SLC9A5: variants seen among roughly 807,000 people sequenced by gnomAD.
SLC9A5 encodes the protein solute carrier family 9 member A5.
In SLC9A5, 52 loss-of-function variants were observed where a neutral mutation model predicts 91.7. The observed-to-expected ratio is 0.57, with a 90% CI of 0.45 to 0.71. SLC9A5 has a LOEUF of 0.71. Among genes scored for constraint, SLC9A5 ranks in the 30% least tolerant of loss-of-function variants. The probability of loss-of-function intolerance (pLI) is 0.00; values close to 1 mark genes in which losing one functional copy is unlikely to be tolerated. For synonymous variants in SLC9A5, 419 were observed against 474.5 expected, an observed-to-expected ratio of 0.88 and a Z score of 1.52; for missense variants, 871 against 1,158.9, an observed-to-expected ratio of 0.75 and a Z score of 3.61.
intron 11 of SLC9A5, 46 bp downstream of exon 11, chr16:67,259,707 T>G: frequency 6.3e-7 from 1 of 1,597,958 alleles, no homozygotes; most frequent in Non-Finnish European, 8.6e-7. Flanking sequence ...CTCTCCATTG[T>G]GCCCTCTCTC....
chr16:67,250,537 G>T (rs558700838), intron 1 of SLC9A5, among the ~76,000 whole-genome samples: 1 of 152,272 alleles, frequency 6.6e-6, no homozygotes, highest in Admixed American at 6.5e-5. Flanking sequence ...AAAAACTGTA[G>T]TTTTCCCCAT....
chr16:67,259,860 A>AT lies in SLC9A5; in HGVS notation c.1758dup (p.Asp587Ter). 6.2e-7 allele frequency: 1 copy of AT among 1,614,066 alleles called. No individual in the cohort carries two copies. Among genetic ancestry groups the AT allele is most frequent in the Non-Finnish European group, 8.5e-7 (1 of 1,180,030 alleles). On this transcript the variant is annotated frameshift_variant, in exon 12 of 16. Transcript: ENST00000299798. LOFTEE classifies it high-confidence loss of function. ...TGGAGCGTGTCTGGATCTGCAGGTG[A>AT]TTGACACAGTACGCAGCGGCCGGGA...
intron 12 of SLC9A5, among the ~76,000 whole-genome samples, chr16:67,260,354 CAAAAAAAAAAAAAA>C (rs397932908): frequency 3.0e-5 from 1 of 33,468 alleles, no homozygotes; most frequent in South Asian, 1.0e-3. Flanking sequence ...GACTCCATCT[CAAAAAAAAAAAAAA>C]AAAAAAAAAG....
chr16:67,252,669 C>T lies in SLC9A5; in HGVS notation c.315C>T (p.Gly105=), dbSNP rs2035173748. The T allele has an allele frequency of 3.7e-6, 6 of 1,614,230 alleles. No individual in the cohort carries two copies. The highest frequency in any genetic ancestry group is 5.1e-6 in the Non-Finnish European group (6 of 1,180,040). The part of the protein sequence containing the change: ...AKKAEYQLEP[G]TFFLFLLPPI... ...AAGCTGAGTACCAGCTGGAGCCAGG[C>T]ACCTTCTTCCTCTTCCTGCTGCCTC... The change falls in exon 2 of 16, where the codon GGC becomes GGT. Residue 105 remains glycine, a synonymous_variant. Coordinates refer to ENST00000299798, the MANE Select transcript of SLC9A5 (RefSeq NM_004594.3). This position sits in a 1 kb window ranked among gnomAD's most constrained non-coding sequence, Gnocchi z 4.0.
chr16:67,249,130 G>A lies in SLC9A5; in HGVS notation c.116G>A (p.Trp39Ter). The change falls in exon 1 of 16, where the codon TGG becomes TAG. Residue 39 changes from tryptophan (W) to a stop codon, truncating the protein, a stop_gained. Coordinates refer to ENST00000299798, the MANE Select transcript of SLC9A5 (RefSeq NM_004594.3). LOFTEE classifies it high-confidence loss of function. ...CCCCCAGGCTTAGAGCTCTTCCGCT[G>A]GCAGTGGCACGAGGTGGAGGCGCCC... The part of the protein sequence containing the change: ...EPPPGLELFR[W>*]QWHEVEAPYL... 1.9e-6 allele frequency: 3 copies of A among 1,559,960 alleles called. No individual in the cohort carries two copies. Among genetic ancestry groups the A allele is most frequent in the Non-Finnish European group, 2.6e-6 (3 of 1,159,048 alleles).
intron 10 of SLC9A5, 40 bp from the exon 11 acceptor site, chr16:67,259,533 C>G (rs765072012): frequency 6.8e-7 from 1 of 1,463,250 alleles, no homozygotes; most frequent in South Asian, 1.1e-5. Flanking sequence ...GGGCAACCCT[C>G]CATCTGATTG....
Position 67,252,486 on chromosome 16 carries a change from G to C in SLC9A5, c.188-56G>C. On this transcript the variant is annotated intron_variant, in intron 1 of 15. Transcript: ENST00000299798. The surrounding 1 kb of genome is among the most constrained non-coding windows in gnomAD (Gnocchi z 4.0). ...AACAAAACTGGGAGTTCATAGGCCT[G>C]TGTGTGGGAGGATATTCCATAAACT... The C allele has an allele frequency of 6.9e-7, 1 of 1,440,560 alleles. No homozygotes were observed. The highest frequency in any genetic ancestry group is 9.5e-7 in the Non-Finnish European group (1 of 1,055,436). 89.2% of individuals were successfully genotyped at this position (1,440,560 alleles called of 1,614,324 possible).
Position 67,256,735 on chromosome 16 carries a change from C to A in SLC9A5, c.1132+46C>A. On this transcript the variant is annotated intron_variant, in intron 6 of 15. Coordinates refer to ENST00000299798, the MANE Select transcript of SLC9A5 (RefSeq NM_004594.3). This position sits in a 1 kb window ranked among gnomAD's most constrained non-coding sequence, Gnocchi z 4.1. ...TTTCCCACTCTCCTTCCTGTCCCGC[C>A]CCTCCCTGCAGCTCATCTCCCTATC... 6.8e-7 allele frequency: 1 copy of A among 1,480,052 alleles called. No homozygotes were observed. The highest frequency in any genetic ancestry group is 9.4e-7 in the Non-Finnish European group (1 of 1,063,030). The allele number at this position is 1,480,052 out of a possible 1,614,324, so 91.7% of individuals were successfully genotyped here.
In SLC9A5 at chr16:67,258,529, C is replaced by A; in HGVS notation, c.1626+82C>A. 1 of 1,541,624 alleles carries A rather than the reference C, an allele frequency of 6.5e-7. No individual in the cohort carries two copies. The highest frequency in any genetic ancestry group is 8.9e-7 in the Non-Finnish European group (1 of 1,118,704). On this transcript the variant is annotated intron_variant, in intron 10 of 15. Coordinates refer to ENST00000299798, the MANE Select transcript of SLC9A5 (RefSeq NM_004594.3). The surrounding 1 kb of genome is among the most constrained non-coding windows in gnomAD (Gnocchi z 4.5). The stretch of plus-strand genomic sequence containing the variant: ...AGGACAGAAAGGGGTGGCAAGCAGG[C>A]TGGCCCTGAGCAGGGAGTTGGGAAT...
In SLC9A5 at chr16:67,257,196, C is replaced by T; in HGVS notation, c.1335+83C>T. On this transcript the variant is annotated intron_variant, in intron 7 of 15. Coordinates refer to ENST00000299798, the MANE Select transcript of SLC9A5 (RefSeq NM_004594.3). This position sits in a 1 kb window ranked among gnomAD's most constrained non-coding sequence, Gnocchi z 5.1. Reference sequence around the variant, plus strand: ...TGGAGCCTGTGGGACAGGGGCTTCTCTTCCCGCTGGGAGATGGAGGGCCCT... The same window carrying T: ...TGGAGCCTGTGGGACAGGGGCTTCTTTTCCCGCTGGGAGATGGAGGGCCCT... 1 of 1,448,538 alleles carries T rather than the reference C, an allele frequency of 6.9e-7. No individual in the cohort carries two copies. The highest frequency in any genetic ancestry group is 9.5e-7 in the Non-Finnish European group (1 of 1,054,094). The allele number at this position is 1,448,538 out of a possible 1,614,324, so 89.7% of individuals were successfully genotyped here. A position where few individuals can be genotyped will look rare whatever the true frequency, so the allele number is the denominator to read the frequency against.
chr16:67,270,654 T>G lies in SLC9A5; in HGVS notation c.2219-84T>G. Reference sequence around the variant, plus strand: ...GCAAAAATGGACGGCATATGGAAACTGTGGCATGAATTTATAAGAATGTGC... The same window carrying G: ...GCAAAAATGGACGGCATATGGAAACGGTGGCATGAATTTATAAGAATGTGC... On this transcript the variant is annotated intron_variant, in intron 15 of 15. Coordinates refer to ENST00000299798, the MANE Select transcript of SLC9A5 (RefSeq NM_004594.3). The surrounding 1 kb of genome is among the most constrained non-coding windows in gnomAD (Gnocchi z 4.3). 1 of 1,005,786 alleles carries G rather than the reference T, an allele frequency of 9.9e-7. No individual in the cohort carries two copies. The highest frequency in any genetic ancestry group is 1.4e-6 in the Non-Finnish European group (1 of 693,980). The allele number at this position is 1,005,786 out of a possible 1,614,324, so 62.3% of individuals were successfully genotyped here.
intron 12 of SLC9A5, 61 bp downstream of exon 12, chr16:67,260,007 A>G: frequency 1.9e-6 from 3 of 1,573,322 alleles, no homozygotes; most frequent in Non-Finnish European, 2.6e-6. Flanking sequence ...AGAGCTTAAG[A>G]GGCAGTTGGC....
chr16:67,269,588 G>C (rs1482360853), intron 15 of SLC9A5, among the ~76,000 whole-genome samples: 2 of 152,082 alleles, frequency 1.3e-5, no homozygotes, highest in Non-Finnish European at 2.9e-5. Flanking sequence ...AAGGTTTTTT[G>C]TTTTACACTT....
At chr16:67,259,530 C>G (rs772161075) in intron 10 of SLC9A5, 43 bp from the exon 11 acceptor site, 7 of 1,442,710 alleles carry the variant, frequency 4.9e-6, no homozygotes, top group Non-Finnish European at 5.9e-6. Context: ...CCTGGGCAAC[C>G]CTCCATCTGA....
rs1567411564 is a variant in SLC9A5 at position 67,257,839 on chromosome 16, T to C, written c.1496+238T>C. Among the ~76,000 whole-genome samples the C allele has an allele frequency of 1.3e-5, 2 of 152,270 alleles. No individual in the cohort carries two copies. The highest frequency in any genetic ancestry group is 2.4e-5 in the African/African-American group (1 of 41,472). ...ACTCCAGCCTCATCATGCTCTGCTCTGTCTTTGACTGTCTGCCTGCTAATT... is the reference window on the plus strand; with the variant it reads ...ACTCCAGCCTCATCATGCTCTGCTCCGTCTTTGACTGTCTGCCTGCTAATT... On this transcript the variant is annotated intron_variant, in intron 9 of 15. Transcript: ENST00000299798. The surrounding 1 kb of genome is among the most constrained non-coding windows in gnomAD (Gnocchi z 5.1).
At chr16:67,260,151 C>G (rs1398455919) in intron 12 of SLC9A5, among the ~76,000 whole-genome samples, 1 of 151,792 alleles carries the variant, frequency 6.6e-6, no homozygotes, top group African/African-American at 2.4e-5. Flanking sequence ...GAGTTTGAGA[C>G]CAGCCTGGCC....
At position 67,255,211 on chromosome 16, in the gene SLC9A5, C is replaced by A; in HGVS notation, c.654+27C>A. On this transcript the variant is annotated intron_variant, in intron 3 of 15. Coordinates refer to ENST00000299798, the MANE Select transcript of SLC9A5 (RefSeq NM_004594.3). The surrounding 1 kb of genome is among the most constrained non-coding windows in gnomAD (Gnocchi z 4.9). ...TGAGCGTGCTCAGCTGACTGCCATTCCCTGACCCCAGGCTGCATGCTCTGA... is the reference window on the plus strand; with the variant it reads ...TGAGCGTGCTCAGCTGACTGCCATTACCTGACCCCAGGCTGCATGCTCTGA... 1 of 1,606,246 alleles carries A rather than the reference C, an allele frequency of 6.2e-7. No individual in the cohort carries two copies. Among genetic ancestry groups the A allele is most frequent in the South Asian group, 1.1e-5 (1 of 90,384 alleles).
rs183020783 is a variant in SLC9A5 at position 67,269,554 on chromosome 16, A to G, written c.2219-1184A>G. ...TTTCAGACCAAAGAATTCATTCCCT[A>G]GCAGCCTGTAAAGGTGAATACCAAA... On this transcript the variant is annotated intron_variant, in intron 15 of 15. Transcript: ENST00000299798. 2.0e-5 allele frequency among the ~76,000 whole-genome samples: 3 copies of G among 152,316 alleles called. No homozygotes were observed. The East Asian group carries it at 5.8e-4, about 29-fold the overall frequency.
Position 67,257,108 on chromosome 16 carries a change from G to T in SLC9A5, c.1330G>T (p.Val444Leu), listed in dbSNP as rs75549387. 14 of 1,608,406 alleles carry T rather than the reference G, an allele frequency of 8.7e-6. No individual in the cohort carries two copies. In the South Asian group the frequency reaches 1.5e-4, roughly 18 times the overall value. The change falls in exon 7 of 16, where the codon GTG becomes TTG. Residue 444 changes from valine (V) to leucine (L), a missense_variant. Coordinates refer to ENST00000299798, the MANE Select transcript of SLC9A5 (RefSeq NM_004594.3). This position sits in a 1 kb window ranked among gnomAD's most constrained non-coding sequence, Gnocchi z 5.1. ...TGTAGTGGTCTTCTTCACAGTCATC[G>T]TGCAGGTGGGAGTGCCCACAAGGCT... ...TIVVVFFTVIVQGLTIKPLVK... is the reference protein window; with the variant it reads ...TIVVVFFTVILQGLTIKPLVK...
Sources: allele counts gnomAD v4.1 joint callset (sites outside exome capture counted in the v4.1 genomes callset), GRCh38; gene constraint gnomAD v4.1.1; non-coding constraint Gnocchi (gnomAD v3.1); transcripts MANE v1.5; gene names NCBI Gene and HGNC (gene_info 2026-07-23, HGNC 2026-07-21).